The following KLHL3 variants were observed in gnomAD, a reference collection of about 807,000 sequenced individuals.
KLHL3 encodes the protein kelch-like protein 3.
Under a neutral mutation model 70.5 loss-of-function variants are expected in KLHL3, and 19 were observed. The ratio of observed to expected loss-of-function variants is 0.27; its 90% CI spans 0.19 to 0.40. KLHL3 has a LOEUF of 0.40. Among genes scored for constraint, KLHL3 ranks in the 10% least tolerant of loss-of-function variants. The pLI, the probability that KLHL3 is intolerant of heterozygous loss-of-function variation, is 1.00. For synonymous variants in KLHL3, 258 were observed against 290.3 expected, an observed-to-expected ratio of 0.89 and a Z score of 1.13; for missense variants, 512 against 771.1, an observed-to-expected ratio of 0.66 and a Z score of 3.98.
chr5:137,668,477 A>G (rs1751669636), intron 6 of KLHL3, among the ~76,000 whole-genome samples: 1 of 152,050 alleles, frequency 6.6e-6, no homozygotes. Context: ...TAAACCTATA[A>G]TCCTAATTAC....
chr5:137,724,419 C>T (rs1404658514), intron 1 of KLHL3, among the ~76,000 whole-genome samples: 1 of 152,224 alleles, frequency 6.6e-6, no homozygotes, highest in Non-Finnish European at 1.5e-5. Flanking sequence ...GCTCTTTGCA[C>T]TTTCCAGAAT....
intron 10 of KLHL3, 65 bp downstream of exon 10, chr5:137,638,888 A>C: frequency 6.7e-7 from 1 of 1,497,076 alleles, no homozygotes; most frequent in South Asian, 1.2e-5. Context: ...CTGGCTGAAT[A>C]AAACAGGGTT....
At chr5:137,710,007 G>A (rs550413453) in intron 2 of KLHL3, 151 bp from the exon 3 acceptor site, 6 of 663,452 alleles carry the variant, frequency 9.0e-6, no homozygotes, top group African/African-American at 7.1e-5. Flanking sequence ...AGGGAGGGGG[G>A]TGGATTCATT....
At chr5:137,708,929 G>C (rs779420704) in intron 3 of KLHL3, among the ~76,000 whole-genome samples, 2 of 152,224 alleles carry the variant, frequency 1.3e-5, no homozygotes, top group Non-Finnish European at 2.9e-5. Flanking sequence ...ACCTGACCCA[G>C]TCTGGAGGTC....
At chr5:137,711,999 C>CAA (rs879435852) in intron 2 of KLHL3, among the ~76,000 whole-genome samples, 1 of 129,512 alleles carries the variant, frequency 7.7e-6, no homozygotes, top group Non-Finnish European at 1.7e-5. Context: ...ACTAAAAATA[C>CAA]AAAAAAAAAA....
At chr5:137,645,349 A>G (rs1751017336) in intron 8 of KLHL3, among the ~76,000 whole-genome samples, 1 of 152,222 alleles carries the variant, frequency 6.6e-6, no homozygotes, top group Admixed American at 6.5e-5. Context: ...AAGTACATTC[A>G]AATTGAAAGG....
chr5:137,732,542 C>G (rs1376014542), intron 1 of KLHL3, among the ~76,000 whole-genome samples: 6 of 151,574 alleles, frequency 4.0e-5, no homozygotes, highest in Non-Finnish European at 8.8e-5. Flanking sequence ...GGGTAACTTA[C>G]TATAAGGAGA....
intron 5 of KLHL3, among the ~76,000 whole-genome samples, chr5:137,687,093 G>A (rs1580761506): frequency 8.8e-5 from 8 of 91,056 alleles, no homozygotes; most frequent in Admixed American, 2.1e-4. Flanking sequence ...CCCCCGCCCG[G>A]CCAGCCGCCC....
chr5:137,678,659 T>A (rs1462090513), intron 5 of KLHL3, among the ~76,000 whole-genome samples: 1 of 152,234 alleles, frequency 6.6e-6, no homozygotes, highest in African/African-American at 2.4e-5. Context: ...AATTTAAGAT[T>A]TAAATCATTT....
At chr5:137,667,692 C>T (rs1751646132) in intron 6 of KLHL3, among the ~76,000 whole-genome samples, 1 of 152,160 alleles carries the variant, frequency 6.6e-6, no homozygotes, top group South Asian at 2.1e-4. Flanking sequence ...TCAAGAAGCA[C>T]TCCAGTTAAA....
Position 137,735,723 on chromosome 5 carries a change from CCAG to C in KLHL3, c.-80_-78del, listed in dbSNP as rs1753250737. Reference sequence around the variant, plus strand: ...GATCCTAGTTCTGTTCTTGATTCTCCCAGCAGACCAGTGGGAAATCTGATCAGC... The same window carrying C: ...GATCCTAGTTCTGTTCTTGATTCTCCCAGACCAGTGGGAAATCTGATCAGC... On this transcript the variant is annotated 5_prime_UTR_variant, in exon 1 of 15. Coordinates refer to ENST00000309755, the MANE Select transcript of KLHL3 (RefSeq NM_017415.3). 2.5e-6 allele frequency: 4 copies of C among 1,605,640 alleles called. No homozygotes were observed. The highest frequency in any genetic ancestry group is 3.4e-6 in the Non-Finnish European group (4 of 1,172,348).
intron 2 of KLHL3, among the ~76,000 whole-genome samples, chr5:137,718,462 C>T (rs564297969): frequency 6.6e-6 from 1 of 152,294 alleles, no homozygotes; most frequent in African/African-American, 2.4e-5. Context: ...TGGGACATTG[C>T]ACTCCAGCCT....
chr5:137,686,871 T>G (rs1752178482), intron 5 of KLHL3, among the ~76,000 whole-genome samples: 1 of 152,122 alleles, frequency 6.6e-6, no homozygotes, highest in African/African-American at 2.4e-5. Context: ...TTATACTACT[T>G]TAAAAATATT....
intron 6 of KLHL3, among the ~76,000 whole-genome samples, chr5:137,668,461 A>T (rs1751669228): frequency 6.6e-6 from 1 of 152,106 alleles, no homozygotes; most frequent in African/African-American, 2.4e-5. Context: ...TGGGGAACTA[A>T]CTTCCTAAAC....
chr5:137,655,633 A>G (rs1267993764), intron 8 of KLHL3, among the ~76,000 whole-genome samples: 1 of 152,218 alleles, frequency 6.6e-6, no homozygotes, highest in African/African-American at 2.4e-5. Context: ...GAAAAAACAT[A>G]TTTGAAATAC....
At chr5:137,651,272 G>A (rs1190762073) in intron 8 of KLHL3, among the ~76,000 whole-genome samples, 1 of 152,200 alleles carries the variant, frequency 6.6e-6, no homozygotes, top group Non-Finnish European at 1.5e-5. Context: ...CTAGAAGAGA[G>A]CCCTAAATGC....
chr5:137,699,763 A>G (rs1321203151), intron 3 of KLHL3, among the ~76,000 whole-genome samples: 1 of 152,226 alleles, frequency 6.6e-6, no homozygotes, highest in African/African-American at 2.4e-5. Flanking sequence ...AAGAAACAAG[A>G]GATCCAGAAG....
chr5:137,673,094 G>C (rs1440977161), intron 6 of KLHL3, among the ~76,000 whole-genome samples: 2 of 152,138 alleles, frequency 1.3e-5, no homozygotes, highest in East Asian at 3.8e-4. Context: ...TCAAGAACCT[G>C]GAGATTCATT....
intron 6 of KLHL3, among the ~76,000 whole-genome samples, chr5:137,663,279 A>T (rs991035546): frequency 9.3e-5 from 14 of 150,724 alleles, no homozygotes; most frequent in African/African-American, 3.4e-4. Context: ...CTGGTCTCAA[A>T]CTCCTGACCT....
Sources: allele counts gnomAD v4.1 joint callset (sites outside exome capture counted in the v4.1 genomes callset), GRCh38; gene constraint gnomAD v4.1.1; transcripts MANE v1.5; gene names NCBI Gene and HGNC (gene_info 2026-07-23, HGNC 2026-07-21).